Variants in LMOD1 observed in about 807,000 individuals in gnomAD.
The protein encoded by LMOD1 is leiomodin 1, also known as leiomodin-1.
LMOD1 carries 8 observed loss-of-function variants against 36.5 expected under a neutral mutation model. That is an observed-to-expected ratio of 0.22 (90% CI 0.13 to 0.40). The LOEUF is 0.40. LMOD1 is among the 10% of genes least tolerant of loss of function. The pLI, the probability that LMOD1 is intolerant of heterozygous loss-of-function variation, is 1.00. For missense variants in LMOD1, 630 were observed against 751.1 expected, an observed-to-expected ratio of 0.84 and a Z score of 1.88; for synonymous variants, 284 against 288.7, an observed-to-expected ratio of 0.98 and a Z score of 0.17.
rs777405078 is a variant in LMOD1, at chr1:201,899,266, G to A, written c.1747C>T (p.Arg583Cys). ...TTGAGCTGCTTGAGGTTGCTGGAGCGGATGGCAGCCAATAGCTGGTCACGG... is the reference window on the plus strand; with the variant it reads ...TTGAGCTGCTTGAGGTTGCTGGAGCAGATGGCAGCCAATAGCTGGTCACGG... ...NSRDQLLAAI[R>C]SSNLKQLKKV... Residue 583 changes from arginine to cysteine, a missense_variant, in exon 2 of 3, where the codon CGC becomes TGC. Arg to Cys is a radical substitution (Grantham distance 180). Around this residue, in one of 3 missense-constraint regions of LMOD1, gnomAD observed 144 missense variants for 169.8 expected, o/e 0.85. Coordinates refer to ENST00000367288, the MANE Select transcript of LMOD1 (RefSeq NM_012134.3). The surrounding 1 kb of genome is among the most constrained non-coding windows in gnomAD (Gnocchi z 6.3). 4 of 1,600,694 alleles carry A rather than the reference G, an allele frequency of 2.5e-6. No individual in the cohort carries two copies. The highest frequency in any genetic ancestry group is 3.4e-5 in the Admixed American group (2 of 59,216).
At chr1:201,901,412 G>T (rs987733191) in intron 1 of LMOD1, among the ~76,000 whole-genome samples, 2 of 149,150 alleles carry the variant, frequency 1.3e-5, no homozygotes, top group African/African-American at 5.0e-5. Context: ...AGAGGCAGGA[G>T]AATCACCTGA....
intron 1 of LMOD1, among the ~76,000 whole-genome samples, chr1:201,927,212 G>A (rs1401274586): frequency 1.3e-5 from 2 of 152,132 alleles, no homozygotes; most frequent in African/African-American, 4.8e-5. Context: ...CAACCTGAAA[G>A]AACTTTGACC....
At chr1:201,907,701 C>T (rs1240612071) in intron 1 of LMOD1, among the ~76,000 whole-genome samples, 2 of 152,016 alleles carry the variant, frequency 1.3e-5, no homozygotes, top group Non-Finnish European at 2.9e-5. Context: ...AGGTATTATC[C>T]CCACCAACAA....
intron 1 of LMOD1, among the ~76,000 whole-genome samples, chr1:201,939,141 T>G (rs1479396813): frequency 2.7e-5 from 4 of 147,558 alleles, no homozygotes; most frequent in African/African-American, 9.9e-5. Context: ...ACTGATGGTT[T>G]TTTTTTTTTT....
At chr1:201,901,611 C>T (rs12729674) in intron 1 of LMOD1, among the ~76,000 whole-genome samples, 33 of 20,964 alleles carry the variant, frequency 1.6e-3, no homozygotes, top group African/African-American at 7.9e-3. Context: ...TATATATATA[C>T]ACATATATAT....
intron 1 of LMOD1, among the ~76,000 whole-genome samples, chr1:201,938,131 C>CTTT (rs200629884): frequency 1.1e-4 from 16 of 139,422 alleles, no homozygotes; most frequent in African/African-American, 2.9e-4. Flanking sequence ...TTGTAATTTC[C>CTTT]TTTTTTTTTT....
rs1681244396 is a variant in LMOD1, at chr1:201,899,184, C to T, written c.1776+53G>A. The stretch of plus-strand genomic sequence containing the variant: ...CTTCCCTTTTGCAGTCCTACCCTCT[C>T]CTCCAGGCCCTACCCAGCCCCGCCC... On this transcript the variant is annotated intron_variant, in intron 2 of 2. Coordinates refer to ENST00000367288, the MANE Select transcript of LMOD1 (RefSeq NM_012134.3). The surrounding 1 kb of genome is among the most constrained non-coding windows in gnomAD (Gnocchi z 6.3). 1 of 1,489,036 alleles carries T rather than the reference C, an allele frequency of 6.7e-7. No individual in the cohort carries two copies. The highest frequency in any genetic ancestry group is 1.3e-5 in the South Asian group (1 of 74,140). The allele number at this position is 1,489,036 out of a possible 1,614,324, so 92.2% of individuals were successfully genotyped here. A position where few individuals can be genotyped will look rare whatever the true frequency, so the allele number is the denominator to read the frequency against.
chr1:201,938,808 G>A (rs549006390), intron 1 of LMOD1, among the ~76,000 whole-genome samples: 17 of 152,150 alleles, frequency 1.1e-4, no homozygotes, highest in Admixed American at 2.6e-4. Context: ...CCGACAACCC[G>A]GCTTGTTCTT....
chr1:201,931,293 G>A (rs940799171), intron 1 of LMOD1, among the ~76,000 whole-genome samples: 3 of 152,204 alleles, frequency 2.0e-5, no homozygotes, highest in Non-Finnish European at 2.9e-5. Context: ...CCAACACTTC[G>A]GGAGGCCAAG....
intron 1 of LMOD1, among the ~76,000 whole-genome samples, chr1:201,937,546 T>C (rs1361999131): frequency 6.6e-6 from 1 of 152,052 alleles, no homozygotes; most frequent in East Asian, 1.9e-4. Flanking sequence ...GGCAGATCAT[T>C]TGAGCCCAGG....
At chr1:201,927,318 G>A (rs931021839) in intron 1 of LMOD1, among the ~76,000 whole-genome samples, 9 of 152,038 alleles carry the variant, frequency 5.9e-5, no homozygotes, top group East Asian at 5.8e-4. Context: ...CTGTAATCCC[G>A]GCACTTTGGG....
At chr1:201,906,635 G>A (rs1048250150) in intron 1 of LMOD1, among the ~76,000 whole-genome samples, 35 of 152,222 alleles carry the variant, frequency 2.3e-4, no homozygotes, top group Non-Finnish European at 4.8e-4. Context: ...AAGGGACCGG[G>A]GGAGTTCACC....
chr1:201,909,734 G>T (rs1013555858), intron 1 of LMOD1, among the ~76,000 whole-genome samples: 1 of 152,110 alleles, frequency 6.6e-6, no homozygotes, highest in Admixed American at 6.5e-5. Context: ...CTGCCATGCC[G>T]CCCCAGGTGC....
At chr1:201,926,545 A>T (rs1291169490) in intron 1 of LMOD1, among the ~76,000 whole-genome samples, 6 of 152,242 alleles carry the variant, frequency 3.9e-5, no homozygotes, top group Admixed American at 2.6e-4. Context: ...ATAGACTATG[A>T]TGACATCCAC....
At chr1:201,935,346 C>G (rs1376701180) in intron 1 of LMOD1, among the ~76,000 whole-genome samples, 1 of 144,090 alleles carries the variant, frequency 6.9e-6, no homozygotes, top group African/African-American at 2.6e-5. Context: ...GAGACAAGAT[C>G]TGGAGTGCAA....
chr1:201,929,967 C>T (rs1241369285), intron 1 of LMOD1, among the ~76,000 whole-genome samples: 1 of 152,122 alleles, frequency 6.6e-6, no homozygotes, highest in African/African-American at 2.4e-5. Flanking sequence ...GAAAGTGTCA[C>T]CTGAGTTGAG....
Position 201,899,527 on chromosome 1 carries a change from G to T in LMOD1, c.1486C>A (p.Leu496Met). 6.2e-7 allele frequency: 1 copy of T among 1,613,938 alleles called. No homozygotes were observed. Among genetic ancestry groups the T allele is most frequent in the African/African-American group, 1.3e-5 (1 of 75,042 alleles). ...ACGGCCCCGGCCTTGGGTACCTCCA[G>T]CAGATCCTTCTTCTCTCCCTTGGCT... ...QEAKGEKKDL[L>M]EVPKAGAVAK... The change falls in exon 2 of 3, where the codon CTG (leucine) becomes ATG (methionine). Residue 496 changes from leucine to methionine, a missense_variant. Physicochemically the swap from Leu to Met is conservative, Grantham distance 15. Transcript: ENST00000367288. The surrounding 1 kb of genome is among the most constrained non-coding windows in gnomAD (Gnocchi z 6.3).
At chr1:201,933,783 T>G (rs969436047) in intron 1 of LMOD1, among the ~76,000 whole-genome samples, 11 of 151,838 alleles carry the variant, frequency 7.2e-5, no homozygotes, top group African/African-American at 2.2e-4. Flanking sequence ...TCTGTAAATA[T>G]TTTATATTCC....
At chr1:201,898,544 G>T (rs1049496534) in intron 2 of LMOD1, 146 bp from the exon 3 acceptor site, 27 of 656,382 alleles carry the variant, frequency 4.1e-5, no homozygotes, top group Non-Finnish European at 4.2e-5. Flanking sequence ...ATTTTTCATT[G>T]TCTGTAAAAA....
Sources: gnomAD v4.1 joint callset for allele counts (sites outside exome capture counted in the v4.1 genomes callset) on GRCh38, gnomAD v4.1.1 for gene constraint, gnomAD v4.1.1 regional missense constraint, Gnocchi (gnomAD v3.1) non-coding constraint, MANE v1.5 for transcripts, NCBI Gene and HGNC (gene_info 2026-07-23, HGNC 2026-07-21) for gene names.